Variants in DNAH9 observed in about 807,000 individuals in gnomAD.
DNAH9 encodes the protein DNAH9 variant protein.
A neutral mutation model predicts 471.6 loss-of-function variants in DNAH9; 345 were observed. The observed-to-expected ratio is 0.73, with a 90% CI of 0.67 to 0.80. The LOEUF (loss-of-function observed/expected upper bound fraction) is 0.80. DNAH9 is among the 30% of genes least tolerant of loss of function. The probability of loss-of-function intolerance (pLI) is 0.00; values close to 1 mark genes in which losing one functional copy is unlikely to be tolerated. For synonymous variants in DNAH9, 2,093 were observed against 2,123.6 expected, an observed-to-expected ratio of 0.99 and a Z score of 0.40; for missense variants, 5,407 against 5,609.2, an observed-to-expected ratio of 0.96 and a Z score of 1.15.
intron 11 of DNAH9, among the ~76,000 whole-genome samples, chr17:11,645,726 G>A (rs2073369893): frequency 6.6e-6 from 1 of 151,774 alleles, no homozygotes; most frequent in African/African-American, 2.4e-5. Context: ...CTCTCCCTTT[G>A]CCACCCAACC....
chr17:11,859,202 C>T (rs972694682), intron 50 of DNAH9, among the ~76,000 whole-genome samples: 1 of 151,734 alleles, frequency 6.6e-6, no homozygotes, highest in Non-Finnish European at 1.5e-5. Context: ...CACCTGAGCT[C>T]AGGAGTTTGA....
intron 44 of DNAH9, 104 bp from the exon 45 acceptor site, chr17:11,810,142 A>G (rs953035622): frequency 2.2e-6 from 3 of 1,391,654 alleles, no homozygotes; most frequent in South Asian, 1.5e-5. Context: ...TTTAATTCCC[A>G]TTCAAGCAGA....
chr17:11,689,051 C>T (rs1191436878), intron 19 of DNAH9, among the ~76,000 whole-genome samples: 5 of 151,776 alleles, frequency 3.3e-5, no homozygotes, highest in African/African-American at 4.8e-5. Flanking sequence ...GCCGAGATCA[C>T]GCCACTGCAC....
intron 49 of DNAH9, among the ~76,000 whole-genome samples, chr17:11,838,681 A>G (rs1970928419): frequency 6.6e-6 from 1 of 152,138 alleles, no homozygotes; most frequent in African/African-American, 2.4e-5. Context: ...AAGACAATTA[A>G]CAGTCCATCC....
At chr17:11,835,493 A>G (rs1970821438) in intron 49 of DNAH9, among the ~76,000 whole-genome samples, 1 of 152,190 alleles carries the variant, frequency 6.6e-6, no homozygotes, top group African/African-American at 2.4e-5. Context: ...TCTGGAAGGA[A>G]GGTGGGGAGG....
Position 11,883,755 on chromosome 17 carries a change from A to C in DNAH9, c.10971+5A>C, listed in dbSNP as rs1412371097. The C allele has an allele frequency of 6.2e-7, 1 of 1,613,206 alleles. No homozygotes were observed. Among genetic ancestry groups the C allele is most frequent in the South Asian group, 1.1e-5 (1 of 90,996 alleles). On this transcript the variant is annotated splice_donor_5th_base_variant and intron_variant, in intron 56 of 68. Coordinates refer to ENST00000262442, the MANE Select transcript of DNAH9 (RefSeq NM_001372.4). ...GCTGCCGAAGTTGAGAAAAAGGTAAAACTCCTCTGGCTAGTCTGGGAAGGC... is the reference window on the plus strand; with the variant it reads ...GCTGCCGAAGTTGAGAAAAAGGTAACACTCCTCTGGCTAGTCTGGGAAGGC...
intron 31 of DNAH9, 124 bp downstream of exon 31, chr17:11,745,208 TAACTC>T (rs1442255754): frequency 2.5e-5 from 20 of 800,280 alleles, no homozygotes; most frequent in Middle Eastern, 2.5e-4. Context: ...TAGTTAGTAA[TAACTC>T]AATTCATTTC....
Position 11,891,967 on chromosome 17 carries a change from G to T in DNAH9, c.11283+20G>T. 1 of 1,608,772 alleles carries T rather than the reference G, an allele frequency of 6.2e-7. No homozygotes were observed. On this transcript the variant is annotated intron_variant, in intron 58 of 68. Transcript: ENST00000262442. ...TTTCAGGTAAAAGTGGATTGAAGAA[G>T]TTTCCAGAAAACAGGTTATTTTTAG...
chr17:11,808,036 T>C, intron 44 of DNAH9, 142 bp downstream of exon 44: 1 of 1,033,010 alleles, frequency 9.7e-7, no homozygotes, highest in Non-Finnish European at 1.4e-6. Context: ...GGTTCTGGGC[T>C]GGTGATGTGA....
rs369019543 is a variant in DNAH9, at chr17:11,961,923, T to C, written c.12900T>C (p.Asp4300=). ...MENLQNALYF[D]MVPESWARRA... ...ACTTACAGAATGCCCTGTACTTCGATATGGTGCCAGAGTCCTGGGCTAGAC... is the reference window on the plus strand; with the variant it reads ...ACTTACAGAATGCCCTGTACTTCGACATGGTGCCAGAGTCCTGGGCTAGAC... The change falls in exon 68 of 69, where the codon GAT becomes GAC. Residue 4300 remains aspartate (D), a synonymous_variant. Coordinates refer to ENST00000262442, the MANE Select transcript of DNAH9 (RefSeq NM_001372.4). 2 of 1,614,080 alleles carry C rather than the reference T, an allele frequency of 1.2e-6. No homozygotes were observed. Among genetic ancestry groups the C allele is most frequent in the South Asian group, 1.1e-5 (1 of 91,072 alleles).
rs60282800 is a variant in DNAH9 at position 11,943,601 on chromosome 17, T to C, written c.12843+1116T>C. ...CTGAGGCAGGAGAATAGCGTGAACC[T>C]GGGAGGCGGAGCTTGCAGTGAGCCG... On this transcript the variant is annotated intron_variant, in intron 67 of 68. Coordinates refer to ENST00000262442, the MANE Select transcript of DNAH9 (RefSeq NM_001372.4). Among the ~76,000 whole-genome samples, 192 of 152,106 alleles carry C rather than the reference T, an allele frequency of 1.3e-3. 2 individuals are homozygous for C. In the East Asian group the frequency reaches 0.024, roughly 19 times the overall value.
intron 48 of DNAH9, among the ~76,000 whole-genome samples, chr17:11,824,419 G>A (rs1386490065): frequency 6.6e-6 from 1 of 152,124 alleles, no homozygotes; most frequent in Non-Finnish European, 1.5e-5. Flanking sequence ...TGTACACATA[G>A]ATTTTCTTCT....
At chr17:11,696,051 C>T (rs2074471248) in intron 22 of DNAH9, among the ~76,000 whole-genome samples, 1 of 152,096 alleles carries the variant, frequency 6.6e-6, no homozygotes, top group Non-Finnish European at 1.5e-5. Context: ...TGTATCCTTG[C>T]CTCCTCTGTT....
intron 61 of DNAH9, among the ~76,000 whole-genome samples, chr17:11,911,979 GCAAATT>G (rs1442280826): frequency 1.5e-4 from 23 of 152,160 alleles, no homozygotes; most frequent in African/African-American, 5.3e-4. Flanking sequence ...CATGTTATCT[GCAAATT>G]CAGATATTTA....
chr17:11,726,984 G>T (rs889343839), intron 27 of DNAH9, among the ~76,000 whole-genome samples: 2 of 145,830 alleles, frequency 1.4e-5, no homozygotes, highest in African/African-American at 5.2e-5. Flanking sequence ...GGAGGTGGAG[G>T]TTGCAATGAG....
chr17:11,831,584 T>C (rs1025632100), intron 48 of DNAH9, among the ~76,000 whole-genome samples: 1 of 152,114 alleles, frequency 6.6e-6, no homozygotes, highest in African/African-American at 2.4e-5. Context: ...AGTGTAGTAT[T>C]TATTGCTGCT....
At position 11,689,775 on chromosome 17, in the gene DNAH9, C is replaced by A; in HGVS notation, c.3953C>A (p.Ala1318Asp). The A allele has an allele frequency of 6.2e-7, 1 of 1,614,186 alleles. No individual in the cohort carries two copies. The highest frequency in any genetic ancestry group is 1.1e-5 in the South Asian group (1 of 91,082). The part of the protein sequence containing the change: ...TIGMVTSSIH[A>D]WETTPWRNIN... ...GGAATGGTGACCTCCAGCATCCATG[C>A]CTGGGAGACCACACCCTGGAGGAAT... The change falls in exon 20 of 69, where the codon GCC becomes GAC. Residue 1318 changes from alanine (A) to aspartate (D), a missense_variant. Ala to Asp is a moderately radical substitution (Grantham distance 126, BLOSUM62 -2). Around this residue, in one of 3 missense-constraint regions of DNAH9, gnomAD observed 4,636 missense variants for 4,900.3 expected, o/e 0.95. Coordinates refer to ENST00000262442, the MANE Select transcript of DNAH9 (RefSeq NM_001372.4).
chr17:11,709,419 C>T (rs959761942), intron 26 of DNAH9, among the ~76,000 whole-genome samples: 2 of 152,170 alleles, frequency 1.3e-5, no homozygotes, highest in Non-Finnish European at 1.5e-5. Flanking sequence ...TTGGCCTCAA[C>T]ATAGAAAATC....
At chr17:11,956,738 A>T (rs1975659204) in intron 67 of DNAH9, among the ~76,000 whole-genome samples, 1 of 147,790 alleles carries the variant, frequency 6.8e-6, no homozygotes, top group Non-Finnish European at 1.5e-5. Flanking sequence ...TGAATAAAAT[A>T]AAAATAAAAA....
Sources: allele counts gnomAD v4.1 joint callset (sites outside exome capture counted in the v4.1 genomes callset), GRCh38; gene constraint gnomAD v4.1.1; regional missense constraint gnomAD v4.1.1; transcripts MANE v1.5; gene names NCBI Gene and HGNC (gene_info 2026-07-23, HGNC 2026-07-21).